Variants in PBX1 observed in about 807,000 individuals in gnomAD.
PBX1 encodes PBX homeobox 1, also known as pre-B-cell leukemia transcription factor 1.
PBX1 carries 6 observed loss-of-function variants against 53.4 expected under a neutral mutation model. The ratio of observed to expected loss-of-function variants is 0.11; its 90% CI spans 0.06 to 0.22. PBX1 has a LOEUF of 0.22. Among genes scored for constraint, PBX1 ranks in the 10% least tolerant of loss-of-function variants. The probability of loss-of-function intolerance (pLI) is 1.00; values close to 1 mark genes in which losing one functional copy is unlikely to be tolerated. For synonymous variants in PBX1, 204 were observed against 212.3 expected (o/e 0.96, Z 0.34); for missense variants, 251 against 551.4 (o/e 0.46, Z 5.46).
chr1:164,666,985 C>A (rs1441766046), intron 2 of PBX1, among the ~76,000 whole-genome samples: 1 of 152,146 alleles, frequency 6.6e-6, no homozygotes, highest in Non-Finnish European at 1.5e-5. Context: ...CTGTATAGAG[C>A]TGAGATTTGA....
At chr1:164,768,837 T>G (rs1300867238) in intron 2 of PBX1, among the ~76,000 whole-genome samples, 2 of 150,758 alleles carry the variant, frequency 1.3e-5, no homozygotes, top group Non-Finnish European at 3.0e-5. Flanking sequence ...GCAGATCACT[T>G]GAGGCCAGTA....
At chr1:164,638,414 A>T (rs1264275344) in intron 2 of PBX1, among the ~76,000 whole-genome samples, 1 of 152,240 alleles carries the variant, frequency 6.6e-6, no homozygotes, top group Non-Finnish European at 1.5e-5. Context: ...AGCATTCCTC[A>T]GTTTCCCCTT....
chr1:164,642,999 G>A (rs1166212041), intron 2 of PBX1, among the ~76,000 whole-genome samples: 2 of 152,104 alleles, frequency 1.3e-5, no homozygotes, highest in African/African-American at 2.4e-5. Context: ...TCATTCTGAG[G>A]GCATCAGTAT....
At chr1:164,615,977 G>A (rs1372565140) in intron 2 of PBX1, among the ~76,000 whole-genome samples, 1 of 152,172 alleles carries the variant, frequency 6.6e-6, no homozygotes, top group African/African-American at 2.4e-5. Context: ...GGTTACAGAG[G>A]TGCCTTCCAG....
chr1:164,605,504 C>T (rs576777811), intron 2 of PBX1: 1 of 152,110 alleles, frequency 6.6e-6, no homozygotes, highest in Middle Eastern at 3.4e-3. Flanking sequence ...AGAAGAGGGG[C>T]CTTGGGTCTC....
chr1:164,824,881 G>A (rs998965816), intron 8 of PBX1, among the ~76,000 whole-genome samples: 3 of 152,128 alleles, frequency 2.0e-5, no homozygotes, highest in Admixed American at 1.3e-4. Flanking sequence ...TCTAGAAATA[G>A]TTCATTAACT....
At chr1:164,852,850 A>G (rs1170633834), downstream of PBX1, among the ~76,000 whole-genome samples, 2 of 152,138 alleles carry the variant, frequency 1.3e-5, no homozygotes, top group East Asian at 1.9e-4. Context: ...AAAATGGAGG[A>G]CTCGTGTTCT....
intron 2 of PBX1, among the ~76,000 whole-genome samples, chr1:164,689,018 C>G (rs913141309): frequency 3.9e-5 from 6 of 152,184 alleles, no homozygotes; most frequent in African/African-American, 1.4e-4. Context: ...CCGCAGGCCA[C>G]GCAGAGAGGC....
intron 2 of PBX1, among the ~76,000 whole-genome samples, chr1:164,780,120 T>A (rs1224888933): frequency 2.0e-5 from 3 of 152,090 alleles, no homozygotes; most frequent in Non-Finnish European, 2.9e-5. Flanking sequence ...GTGAGAGTTC[T>A]TAGTGGGGGG....
chr1:164,663,074 C>A, intron 2 of PBX1, among the ~76,000 whole-genome samples: 1 of 152,170 alleles, frequency 6.6e-6, no homozygotes, highest in East Asian at 1.9e-4. Context: ...AATAGTTTCC[C>A]AGAAGCCATA....
chr1:164,628,070 A>G (rs1658160344), intron 2 of PBX1, among the ~76,000 whole-genome samples: 1 of 152,208 alleles, frequency 6.6e-6, no homozygotes, highest in South Asian at 2.1e-4. Context: ...TGCTCAGTGA[A>G]ATCCCTTGGG....
chr1:164,655,106 T>TTA (rs927072401), intron 2 of PBX1, among the ~76,000 whole-genome samples: 4 of 150,476 alleles, frequency 2.7e-5, no homozygotes, highest in Non-Finnish European at 4.4e-5. Context: ...GTGTGTTTTT[T>TTA]TTTTTTTTTT....
At chr1:164,686,352 G>T (rs1287572673) in intron 2 of PBX1, among the ~76,000 whole-genome samples, 1 of 152,178 alleles carries the variant, frequency 6.6e-6, no homozygotes, top group South Asian at 2.1e-4. Context: ...AGGTTTCTCT[G>T]TTGTTGCCAA....
At chr1:164,562,980 A>C (rs12726161) in intron 1 of PBX1, 14 of 223,300 alleles carry the variant, frequency 6.3e-5, no homozygotes, top group Non-Finnish European at 1.0e-4. Context: ...AAAAAAAAAA[A>C]CCCTTTCCCT....
At chr1:164,731,128 T>G (rs1172916874) in intron 2 of PBX1, among the ~76,000 whole-genome samples, 1 of 152,192 alleles carries the variant, frequency 6.6e-6, no homozygotes, top group Non-Finnish European at 1.5e-5. Flanking sequence ...TCTGTGTTTC[T>G]GACATATGGG....
chr1:164,724,930 CA>C, intron 2 of PBX1, among the ~76,000 whole-genome samples: 1 of 151,976 alleles, frequency 6.6e-6, no homozygotes. Flanking sequence ...ACTCTGCAGA[CA>C]ATTGCTCGGA....
downstream of PBX1, among the ~76,000 whole-genome samples, chr1:164,856,733 A>G (rs1671985360): frequency 6.6e-6 from 1 of 152,068 alleles, no homozygotes; most frequent in African/African-American, 2.4e-5. Flanking sequence ...ATAATCCTTC[A>G]AGTATTTTCC....
rs535245677 is a variant in PBX1, at chr1:164,772,009, T to C, written c.266-20485T>C. On this transcript the variant is annotated intron_variant, in intron 2 of 8. Transcript: ENST00000420696. Reference sequence around the variant, plus strand: ...TCAAGTGTGGGCCCTACCCCAAGAATAGGGGGGAAAAAAATCCTGCCCCAA... The same window carrying C: ...TCAAGTGTGGGCCCTACCCCAAGAACAGGGGGGAAAAAAATCCTGCCCCAA... Among the ~76,000 whole-genome samples the C allele has an allele frequency of 1.4e-4, 22 of 152,216 alleles. No individual in the cohort carries two copies. The South Asian group carries it at 4.3e-3, about 30-fold the overall frequency.
chr1:164,683,710 T>A (rs776697252), intron 2 of PBX1: 4 of 151,284 alleles, frequency 2.6e-5, no homozygotes, highest in Non-Finnish European at 5.9e-5. Flanking sequence ...AAACTTACTG[T>A]CAAATTTTGC....
Sources: allele counts gnomAD v4.1 joint callset (sites outside exome capture counted in the v4.1 genomes callset), GRCh38; gene constraint gnomAD v4.1.1; transcripts MANE v1.5; gene names NCBI Gene and HGNC (gene_info 2026-07-23, HGNC 2026-07-21).